SETD1B: variants seen among roughly 807,000 people sequenced by gnomAD.
The protein encoded by SETD1B is SET domain containing 1B, histone lysine methyltransferase.
A neutral mutation model predicts 148.0 loss-of-function variants in SETD1B; 7 were observed. The ratio of observed to expected loss-of-function variants is 0.05; its 90% CI spans 0.03 to 0.09. The LOEUF (loss-of-function observed/expected upper bound fraction) is 0.09. Ranked by LOEUF, SETD1B falls within the 10% of genes least tolerant of loss-of-function variation. The pLI is 1.00. For synonymous variants in SETD1B, 1,361 were observed against 1,186.5 expected (o/e 1.15, Z -3.02); for missense variants, 2,155 against 2,729.9 (o/e 0.79, Z 4.69).
At chr12:121,799,672 T>C (rs1875199810), upstream of SETD1B, 3 of 130,178 alleles carry the variant, frequency 2.3e-5, no homozygotes, top group South Asian at 7.8e-4. Context: ...CAGACGGGGA[T>C]GGATGGCCCC....
rs1566562883 is a variant in SETD1B at position 121,830,689 on chromosome 12, C to G, written c.*450C>G. The G allele has an allele frequency of 6.4e-6, 1 of 155,758 alleles. No homozygotes were observed. The highest frequency in any genetic ancestry group is 1.4e-5 in the Non-Finnish European group (1 of 70,438). 9.6% of individuals were successfully genotyped at this position (155,758 alleles called of 1,614,324 possible). ...TGAAGGTGGAATCAGAGAGGGGCCCCGCGGGGGTCTGCAGAGGCCTCAGTG... is the reference window on the plus strand; with the variant it reads ...TGAAGGTGGAATCAGAGAGGGGCCCGGCGGGGGTCTGCAGAGGCCTCAGTG... On this transcript the variant is annotated 3_prime_UTR_variant, in exon 17 of 17. Coordinates refer to ENST00000604567, the MANE Select transcript of SETD1B (RefSeq NM_001353345.2). The surrounding 1 kb of genome is among the most constrained non-coding windows in gnomAD (Gnocchi z 5.7).
Position 121,814,377 on chromosome 12 carries a change from C to G in SETD1B, c.2162C>G (p.Pro721Arg). Residue 721 changes from proline (P) to arginine (R), a missense_variant, in exon 7 of 17, where the codon CCT becomes CGT. Coordinates refer to ENST00000604567, the MANE Select transcript of SETD1B (RefSeq NM_001353345.2). Reference protein sequence around the residue: ...PPPPPPPPAHPAVTVPPPPLP... With the variant: ...PPPPPPPPAHRAVTVPPPPLP... ...CCGCCCCCACCCCCTCCAGCCCACC[C>G]TGCTGTGACAGTGCCCCCACCACCC... 8.6e-7 allele frequency: 1 copy of G among 1,162,998 alleles called. No homozygotes were observed. Among genetic ancestry groups the G allele is most frequent in the Non-Finnish European group, 1.2e-6 (1 of 862,816 alleles). 72.0% of individuals were successfully genotyped at this position (1,162,998 alleles called of 1,614,324 possible).
chr12:121,793,443 C>G, the SETD1B span: 1 of 1,533,504 alleles, frequency 6.5e-7, no homozygotes, highest in Non-Finnish European at 8.7e-7. Flanking sequence ...GGGCTCTGGG[C>G]TCAGGGTAAG....
Position 121,817,427 on chromosome 12 carries a change from G to A in SETD1B, c.3035G>A (p.Arg1012Gln), listed in dbSNP as rs1157374576. 3.9e-6 allele frequency: 6 copies of A among 1,540,436 alleles called. No individual in the cohort carries two copies. Among genetic ancestry groups the A allele is most frequent in the African/African-American group, 1.4e-5 (1 of 72,960 alleles). ...GACACCCCCTGTGAGCTCGCCAAGC[G>A]GGACCCCAAGGGCGTGGGTGTGCGG... ...MADTPCELAK[R>Q]DPKGVGVRRR... The change falls in exon 9 of 17, where the codon CGG becomes CAG. Residue 1012 changes from arginine (R) to glutamine (Q), a missense_variant. Arg to Gln is a conservative substitution (Grantham distance 43, BLOSUM62 1). This residue lies in a region of SETD1B where 289 missense variants were observed against 423.7 expected (regional missense o/e 0.68). Coordinates refer to ENST00000604567, the MANE Select transcript of SETD1B (RefSeq NM_001353345.2). The surrounding 1 kb of genome is among the most constrained non-coding windows in gnomAD (Gnocchi z 8.1).
chr12:121,814,714 C>A lies in SETD1B; in HGVS notation c.2499C>A (p.His833Gln). ...LSNSGPGRGQ[H>Q]WPPLPKFDPS... ...ACTCCGGCCCAGGCCGCGGGCAGCA[C>A]TGGCCACCACTGCCCAAGTTTGACC... The change falls in exon 7 of 17, where the codon CAC becomes CAA. Residue 833 changes from histidine to glutamine, a missense_variant. By Grantham distance (24) the His-to-Gln change is conservative (BLOSUM62 0). Around this residue, in one of 11 missense-constraint regions of SETD1B, gnomAD observed 289 missense variants for 423.7 expected, o/e 0.68. Transcript: ENST00000604567. 2 of 1,550,946 alleles carry A rather than the reference C, an allele frequency of 1.3e-6. No homozygotes were observed. The highest frequency in any genetic ancestry group is 1.7e-6 in the Non-Finnish European group (2 of 1,146,970).
In SETD1B at chr12:121,805,007, C is replaced by T; in HGVS notation, c.174+96C>T. ...ACCCCCCGCCCGATCCCCCGGCCAA[C>T]TGTCAGACGGGGCCCCAGCCCTGGA... On this transcript the variant is annotated intron_variant, in intron 2 of 16. Transcript: ENST00000604567. This position sits in a 1 kb window ranked among gnomAD's most constrained non-coding sequence, Gnocchi z 4.2. The T allele has an allele frequency of 2.1e-6, 3 of 1,459,786 alleles. No individual in the cohort carries two copies. The highest frequency in any genetic ancestry group is 2.8e-6 in the Non-Finnish European group (3 of 1,085,578). The allele number at this position is 1,459,786 out of a possible 1,614,324, so 90.4% of individuals were successfully genotyped here. A position where few individuals can be genotyped will look rare whatever the true frequency, so the allele number is the denominator to read the frequency against.
Position 121,830,266 on chromosome 12 carries a change from C to T in SETD1B, c.*27C>T. On this transcript the variant is annotated 3_prime_UTR_variant, in exon 17 of 17. Transcript: ENST00000604567. The surrounding 1 kb of genome is among the most constrained non-coding windows in gnomAD (Gnocchi z 5.7). Reference sequence around the variant, plus strand: ...CCCCGGCACCAGACTCAAAGGATGTCAGCCGTAGCCCTGGGACTCCCGAGC... The same window carrying T: ...CCCCGGCACCAGACTCAAAGGATGTTAGCCGTAGCCCTGGGACTCCCGAGC... 6.5e-7 allele frequency: 1 copy of T among 1,543,364 alleles called. No individual in the cohort carries two copies. Among genetic ancestry groups the T allele is most frequent in the South Asian group, 1.2e-5 (1 of 83,726 alleles).
rs1230027444 is a variant in SETD1B at position 121,831,586 on chromosome 12, G to A, written c.*1347G>A. The A allele has an allele frequency of 1.3e-5, 2 of 151,862 alleles. No homozygotes were observed. Among genetic ancestry groups the A allele is most frequent in the Admixed American group, 6.6e-5 (1 of 15,254 alleles). 9.4% of individuals were successfully genotyped at this position (151,862 alleles called of 1,614,324 possible). On this transcript the variant is annotated 3_prime_UTR_variant, in exon 17 of 17. Coordinates refer to ENST00000604567, the MANE Select transcript of SETD1B (RefSeq NM_001353345.2). ...AACATTGTTTCTTGTAGAAACATGCGGGAAGACATTTTTTGCTCATTTCTT... is the reference window on the plus strand; with the variant it reads ...AACATTGTTTCTTGTAGAAACATGCAGGAAGACATTTTTTGCTCATTTCTT...
Position 121,814,567 on chromosome 12 carries a change from G to A in SETD1B, c.2352G>A (p.Arg784=). The change falls in exon 7 of 17, where the codon CGG becomes CGA. Residue 784 remains arginine (R), a synonymous_variant. Coordinates refer to ENST00000604567, the MANE Select transcript of SETD1B (RefSeq NM_001353345.2). ...AGATGCAAACGCAGGTGCTCAGCCG[G>A]CTGATGACGGGCCAGGGCGCCTGCC... ...SFQMQTQVLS[R]LMTGQGACPY... is the part of the protein sequence containing the mutation. 1.3e-6 allele frequency: 2 copies of A among 1,507,886 alleles called. No individual in the cohort carries two copies. The highest frequency in any genetic ancestry group is 1.3e-5 in the South Asian group (1 of 78,278). The allele number at this position is 1,507,886 out of a possible 1,614,324, so 93.4% of individuals were successfully genotyped here.
intron 16 of SETD1B, 108 bp from the exon 17 acceptor site, chr12:121,829,958 C>G: frequency 9.9e-7 from 1 of 1,008,380 alleles, no homozygotes; most frequent in South Asian, 1.6e-5. Flanking sequence ...CTGGGGGTCA[C>G]GTGGCATGTC....
chr12:121,828,924 G>A (rs1335587182), intron 16 of SETD1B, among the ~76,000 whole-genome samples: 2 of 152,202 alleles, frequency 1.3e-5, no homozygotes, highest in Non-Finnish European at 2.9e-5. Flanking sequence ...ATCCTTGCCT[G>A]GGTGGTAGGG....
Position 121,830,038 on chromosome 12 carries a change from C to T in SETD1B, c.5728-28C>T, listed in dbSNP as rs1234996456. On this transcript the variant is annotated intron_variant, in intron 16 of 16. Coordinates refer to ENST00000604567, the MANE Select transcript of SETD1B (RefSeq NM_001353345.2). The surrounding 1 kb of genome is among the most constrained non-coding windows in gnomAD (Gnocchi z 5.7). Reference sequence around the variant, plus strand: ...GTGGGGGACCCTGGGGGACCAGGGGCTCATTCTCCCCCCCACCTTGCCTGC... The same window carrying T: ...GTGGGGGACCCTGGGGGACCAGGGGTTCATTCTCCCCCCCACCTTGCCTGC... The T allele has an allele frequency of 1.9e-6, 3 of 1,539,434 alleles. No individual in the cohort carries two copies. The highest frequency in any genetic ancestry group is 2.0e-5 in the Admixed American group (1 of 50,668).
chr12:121,825,430 T>C, intron 13 of SETD1B, 64 bp downstream of exon 13: 1 of 1,460,154 alleles, frequency 6.8e-7, no homozygotes, highest in Non-Finnish European at 9.2e-7. Flanking sequence ...TCCAGGGCAC[T>C]CATGGAGGGG....
chr12:121,805,124 A>C lies in SETD1B; in HGVS notation c.181A>C (p.Ser61Arg). 1 of 1,551,668 alleles carries C rather than the reference A, an allele frequency of 6.4e-7. No individual in the cohort carries two copies. The highest frequency in any genetic ancestry group is 8.7e-7 in the Non-Finnish European group (1 of 1,146,962). ...CCCCAATTTCTCCCCACAGATGTCC[A>C]GCAACCGCCCGGTGGAAATTGTCGA... ...DGQHFSLAMS[S>R]NRPVEIVEDP... Residue 61 changes from serine to arginine, a missense_variant, in exon 3 of 17, where the codon AGC (serine) becomes CGC (arginine). Ser to Arg is a moderately radical substitution (Grantham distance 110, BLOSUM62 -1). Transcript: ENST00000604567. The surrounding 1 kb of genome is among the most constrained non-coding windows in gnomAD (Gnocchi z 4.2).
At chr12:121,792,772 G>A in the SETD1B span, among the ~76,000 whole-genome samples, 1 of 152,224 alleles carries the variant, frequency 6.6e-6, no homozygotes, top group Non-Finnish European at 1.5e-5. Flanking sequence ...GGCAATCCGA[G>A]CACCAAGGGA....
Position 121,817,804 on chromosome 12 carries a change from C to G in SETD1B, c.3318C>G (p.Asp1106Glu), listed in dbSNP as rs1458826066. The G allele has an allele frequency of 6.5e-7, 1 of 1,549,022 alleles. No individual in the cohort carries two copies. The highest frequency in any genetic ancestry group is 8.7e-7 in the Non-Finnish European group (1 of 1,145,644). ...CACTCTTCCTTCTCCCCCAGGATGACGACGATGACGACAGTGATGACCGGG... is the reference window on the plus strand; with the variant it reads ...CACTCTTCCTTCTCCCCCAGGATGAGGACGATGACGACAGTGATGACCGGG... ...SSTSSTSDKD[D>E]DDDDSDDRDE... The change falls in exon 10 of 17, where the codon GAC becomes GAG. Residue 1106 changes from aspartate to glutamate, a missense_variant. Physicochemically the swap from Asp to Glu is conservative, Grantham distance 45. Transcript: ENST00000604567. This position sits in a 1 kb window ranked among gnomAD's most constrained non-coding sequence, Gnocchi z 8.1.
At chr12:121,791,229 G>A in the SETD1B span, among the ~76,000 whole-genome samples, 12 of 151,556 alleles carry the variant, frequency 7.9e-5, no homozygotes, top group African/African-American at 2.7e-4. Context: ...GGGTTCAAAC[G>A]ATTCTCCTGC....
At position 121,810,263 on chromosome 12, in the gene SETD1B, G is replaced by A; in HGVS notation, c.1318G>A (p.Ala440Thr). ...ACCGGCGCCCCCACCCCTGCCACCT[G>A]CTGAGCCTCTGGCCAAGGAGAAGCC... is the stretch of plus-strand genomic sequence containing the variant. ...RAPAPPPLPP[A>T]EPLAKEKPGT... Residue 440 changes from alanine (A) to threonine (T), a missense_variant, in exon 6 of 17, where the codon GCT becomes ACT. Transcript: ENST00000604567. The surrounding 1 kb of genome is among the most constrained non-coding windows in gnomAD (Gnocchi z 7.6). 1 of 1,545,170 alleles carries A rather than the reference G, an allele frequency of 6.5e-7. No individual in the cohort carries two copies.
Position 121,817,907 on chromosome 12 carries a change from G to A in SETD1B, c.3418+3G>A. ...GGACGAAGGGGACTCGGATGAAGGT[G>A]AGCAGGGAGGCCGTGGCTGCCTGGC... On this transcript the variant is annotated splice_donor_region_variant and intron_variant, in intron 10 of 16. Coordinates refer to ENST00000604567, the MANE Select transcript of SETD1B (RefSeq NM_001353345.2). This position sits in a 1 kb window ranked among gnomAD's most constrained non-coding sequence, Gnocchi z 8.1. 2.6e-6 allele frequency: 4 copies of A among 1,536,812 alleles called. No homozygotes were observed. The highest frequency in any genetic ancestry group is 3.5e-6 in the Non-Finnish European group (4 of 1,139,446).
Sources: allele counts gnomAD v4.1 joint callset (sites outside exome capture counted in the v4.1 genomes callset), GRCh38; gene constraint gnomAD v4.1.1; regional missense constraint gnomAD v4.1.1; non-coding constraint Gnocchi (gnomAD v3.1); transcripts MANE v1.5; gene names NCBI Gene and HGNC (gene_info 2026-07-23, HGNC 2026-07-21).